Variants in TET1 observed in about 807,000 individuals in gnomAD.
TET1 encodes tet methylcytosine dioxygenase 1.
In TET1, 13 loss-of-function variants were observed where a neutral mutation model predicts 148.7. The ratio of observed to expected loss-of-function variants is 0.09; its 90% confidence interval spans 0.06 to 0.14. The LOEUF is 0.14. Among genes scored for constraint, TET1 ranks in the 10% least tolerant of loss-of-function variants. The pLI, the probability that TET1 is intolerant of heterozygous loss-of-function variation, is 1.00. For missense variants in TET1, 2,182 were observed against 2,553.8 expected (o/e 0.85, Z 3.14); for synonymous variants, 907 against 937.2 (o/e 0.97, Z 0.59).
chr10:68,674,550 G>T, intron 8 of TET1: 1 of 542,506 alleles, frequency 1.8e-6, no homozygotes, highest in Non-Finnish European at 3.5e-6. Flanking sequence ...GAATGATAAA[G>T]TTGCATTTAG....
intron 3 of TET1, among the ~76,000 whole-genome samples, chr10:68,624,648 C>CT (rs1249759174): frequency 7.5e-4 from 41 of 54,610 alleles, no homozygotes; most frequent in African/African-American, 4.5e-3. Context: ...TTCTTTCTTT[C>CT]TTTCTTTCTT....
At chr10:68,563,068 GTGT>G (rs2053571605) in intron 1 of TET1, among the ~76,000 whole-genome samples, 1 of 151,500 alleles carries the variant, frequency 6.6e-6, no homozygotes, top group Admixed American at 6.6e-5. Context: ...CTCCTGTTGT[GTGT>G]TATGTCTTTC....
At chr10:68,637,571 G>A (rs1232782865) in intron 3 of TET1, among the ~76,000 whole-genome samples, 1 of 141,946 alleles carries the variant, frequency 7.0e-6, no homozygotes, top group Non-Finnish European at 1.5e-5. Context: ...TCGCCCTCAG[G>A]CTGGAGTGCT....
intron 1 of TET1, among the ~76,000 whole-genome samples, chr10:68,567,878 C>G (rs903692655): frequency 6.6e-6 from 1 of 152,076 alleles, no homozygotes; most frequent in Non-Finnish European, 1.5e-5. Context: ...TACCAACAAC[C>G]GTTTTCCTAC....
intron 2 of TET1, among the ~76,000 whole-genome samples, chr10:68,592,294 TGACAAGA>T (rs2053927613): frequency 2.6e-5 from 4 of 152,104 alleles, no homozygotes; most frequent in Admixed American, 2.6e-4. Flanking sequence ...CCAGCCTGGG[TGACAAGA>T]GACTTTGTCT....
intron 2 of TET1, among the ~76,000 whole-genome samples, chr10:68,600,267 C>G (rs1417329163): frequency 6.6e-6 from 1 of 152,170 alleles, no homozygotes; most frequent in Non-Finnish European, 1.5e-5. Flanking sequence ...ACCCCTCCCC[C>G]ATGCAGACCT....
Position 68,617,226 on chromosome 10 carries a change from A to G in TET1, c.1968+16192A>G, listed in dbSNP as rs1411900013. On this transcript the variant is annotated intron_variant, in intron 3 of 11. Coordinates refer to ENST00000373644, the MANE Select transcript of TET1 (RefSeq NM_030625.3). ...TTTTTAGTAGAGACGGGGTTTCACC[A>G]TGTTAACCAGTATGGTCTCGATCTC... is the stretch of plus-strand genomic sequence containing the variant. Among the ~76,000 whole-genome samples the G allele has an allele frequency of 2.4e-3, 287 of 121,180 alleles. No homozygotes were observed. The Middle Eastern group carries it at 0.039, about 17-fold the overall frequency. 79.5% of individuals were successfully genotyped at this position (121,180 alleles called of 152,430 possible).
chr10:68,566,250 G>GTA (rs1404173872), intron 1 of TET1, among the ~76,000 whole-genome samples: 1 of 152,104 alleles, frequency 6.6e-6, no homozygotes, highest in Non-Finnish European at 1.5e-5. Flanking sequence ...TTTTTTAGCA[G>GTA]TATAATCTTG....
chr10:68,599,323 T>A (rs2054024853), intron 2 of TET1, among the ~76,000 whole-genome samples: 1 of 152,216 alleles, frequency 6.6e-6, no homozygotes, highest in African/African-American at 2.4e-5. Flanking sequence ...TAGGGCTGTC[T>A]TCCCCAGATC....
In TET1 at chr10:68,691,938, A is replaced by T. The variant is rs189166152; in HGVS notation, c.*124A>T. On this transcript the variant is annotated 3_prime_UTR_variant, in exon 12 of 12. Coordinates refer to ENST00000373644, the MANE Select transcript of TET1 (RefSeq NM_030625.3). This position sits in a 1 kb window ranked among gnomAD's most constrained non-coding sequence, Gnocchi z 4.4. ...CCCATTTCAAGTCTGAGGTAAAAAAATAATAATGATAACAAAACGGGGTGG... is the reference window on the plus strand; with the variant it reads ...CCCATTTCAAGTCTGAGGTAAAAAATTAATAATGATAACAAAACGGGGTGG... 1.4e-4 allele frequency: 168 copies of T among 1,168,920 alleles called. No homozygotes were observed. Among genetic ancestry groups the T allele is most frequent in the Admixed American group, 3.6e-4 (15 of 41,550 alleles). The allele number at this position is 1,168,920 out of a possible 1,614,324, so 72.4% of individuals were successfully genotyped here.
intron 6 of TET1, among the ~76,000 whole-genome samples, chr10:68,655,357 TG>T (rs1280235955): frequency 6.6e-6 from 1 of 152,220 alleles, no homozygotes; most frequent in Non-Finnish European, 1.5e-5. Context: ...CATAGTACCT[TG>T]TATATTTGAA....
At chr10:68,590,691 G>A (rs2053908806) in intron 2 of TET1, among the ~76,000 whole-genome samples, 1 of 151,972 alleles carries the variant, frequency 6.6e-6, no homozygotes, top group African/African-American at 2.4e-5. Flanking sequence ...GGAGGCTGAG[G>A]TGGAAGGATC....
Position 68,595,945 on chromosome 10 carries a change from TATATATATATATATATACAC to T in TET1, c.1915-5034_1915-5015del, listed in dbSNP as rs1239020069. Among the ~76,000 whole-genome samples, 58 of 37,554 alleles carry T rather than the reference TATATATATATATATATACAC, an allele frequency of 1.5e-3. 4 individuals are homozygous for T. Among genetic ancestry groups the T allele is most frequent in the South Asian group, 4.0e-3 (3 of 744 alleles). The allele number at this position is 37,554 out of a possible 152,430, so 24.6% of individuals were successfully genotyped here. A position where few individuals can be genotyped will look rare whatever the true frequency, so the allele number is the denominator to read the frequency against. On this transcript the variant is annotated intron_variant, in intron 2 of 11. Coordinates refer to ENST00000373644, the MANE Select transcript of TET1 (RefSeq NM_030625.3). ...ATATATATATATATATATATATATA[TATATATATATATATATACAC>T]ACACACACACACATATATACACACA...
At chr10:68,595,609 C>CTTTTTTTTTTTTTTTT (rs1564958558) in intron 2 of TET1, among the ~76,000 whole-genome samples, 2 of 89,380 alleles carry the variant, frequency 2.2e-5, no homozygotes, top group Non-Finnish European at 4.3e-5. Flanking sequence ...ACACACACAG[C>CTTTTTTTTTTTTTTTT]TTCTTTTTTT....
intron 7 of TET1, 87 bp from the exon 8 acceptor site, chr10:68,672,808 C>A: frequency 8.8e-7 from 1 of 1,139,028 alleles, no homozygotes; most frequent in South Asian, 2.1e-5. Flanking sequence ...AGGCATCCAT[C>A]CTTCTAAAGC....
At chr10:68,600,949 A>G in intron 2 of TET1, 32 bp from the exon 3 acceptor site, 1 of 1,591,794 alleles carries the variant, frequency 6.3e-7, no homozygotes, top group Non-Finnish European at 8.5e-7. Flanking sequence ...TTTCTTAAAC[A>G]GAGGCTCATT....
intron 3 of TET1, among the ~76,000 whole-genome samples, chr10:68,628,566 G>T (rs2054522817): frequency 6.6e-6 from 1 of 152,200 alleles, no homozygotes; most frequent in Non-Finnish European, 1.5e-5. Flanking sequence ...ACAATCAATG[G>T]ATTTGATAGA....
chr10:68,638,691 G>A (rs1298909703), intron 3 of TET1, among the ~76,000 whole-genome samples: 1 of 151,174 alleles, frequency 6.6e-6, no homozygotes, highest in East Asian at 1.9e-4. Context: ...GATTTGAGTA[G>A]CTGTTTCTTT....
chr10:68,612,688 G>C (rs1323270469), intron 3 of TET1, among the ~76,000 whole-genome samples: 1 of 151,582 alleles, frequency 6.6e-6, no homozygotes, highest in African/African-American at 2.4e-5. Context: ...GCAAGATCTC[G>C]GCTCACTGTA....
Sources: allele counts gnomAD v4.1 joint callset (sites outside exome capture counted in the v4.1 genomes callset), GRCh38; gene constraint gnomAD v4.1.1; non-coding constraint Gnocchi (gnomAD v3.1); transcripts MANE v1.5; gene names NCBI Gene and HGNC (gene_info 2026-07-23, HGNC 2026-07-21).